Variants in GALNT11 observed in about 807,000 individuals in gnomAD.
The protein encoded by GALNT11 is polypeptide N-acetylgalactosaminyltransferase 11.
Under a neutral mutation model 72.7 loss-of-function variants are expected in GALNT11, and 47 were observed. The observed-to-expected ratio is 0.65, with a 90% CI of 0.51 to 0.82. The LOEUF (loss-of-function observed/expected upper bound fraction) is 0.82. Ranked by LOEUF, GALNT11 falls within the 40% of genes least tolerant of loss-of-function variation. GALNT11 has a pLI of 0.00. For missense variants in GALNT11, 677 were observed against 778.4 expected (o/e 0.87, Z 1.55); for synonymous variants, 270 against 286.6 (o/e 0.94, Z 0.58).
At position 152,025,676 on chromosome 7, in the gene GALNT11, G is replaced by C. The variant is rs560990562; in HGVS notation, c.-247G>C. The C allele has an allele frequency of 3.3e-5, 5 of 150,622 alleles. No individual in the cohort carries two copies. The highest frequency in any genetic ancestry group is 7.4e-5 in the Non-Finnish European group (5 of 67,602). The allele number at this position is 150,622 out of a possible 1,614,324, so 9.3% of individuals were successfully genotyped here. On this transcript the variant is annotated 5_prime_UTR_variant, in exon 1 of 12. Transcript: ENST00000430044. ...CGCCGGCGGACGCGCGGCGCTGGGC[G>C]GAGGCAGCGGCTCGGGGACTGGGCG...
At chr7:152,121,451 C>A (rs1428958506) in intron 11 of GALNT11, 95 bp from the exon 12 acceptor site, 18 of 1,456,540 alleles carry the variant, frequency 1.2e-5, no homozygotes, top group Non-Finnish European at 1.7e-5. Flanking sequence ...CTATTGTATC[C>A]CTTAATCTGA....
Position 152,043,391 on chromosome 7 carries a change from C to T in GALNT11, c.-39+17507C>T, listed in dbSNP as rs529551332. Among the ~76,000 whole-genome samples, 18 of 152,286 alleles carry T rather than the reference C, an allele frequency of 1.2e-4. No homozygotes were observed. In the South Asian group the frequency reaches 1.2e-3, roughly 11 times the overall value. On this transcript the variant is annotated intron_variant, in intron 1 of 11. Coordinates refer to ENST00000430044, the MANE Select transcript of GALNT11 (RefSeq NM_022087.4). Reference sequence around the variant, plus strand: ...TCTACTGCAGCACTACCGGCTGTGGCGGGGGACAGACATTGTACAGGGGTG... The same window carrying T: ...TCTACTGCAGCACTACCGGCTGTGGTGGGGGACAGACATTGTACAGGGGTG...
At chr7:152,093,042 A>G (rs936305321) in intron 1 of GALNT11, among the ~76,000 whole-genome samples, 3 of 152,182 alleles carry the variant, frequency 2.0e-5, no homozygotes, top group Non-Finnish European at 4.4e-5. Flanking sequence ...CAGCCTGGCC[A>G]ACATGGTGAA....
chr7:152,053,494 C>G (rs2083495281), intron 1 of GALNT11, among the ~76,000 whole-genome samples: 1 of 152,232 alleles, frequency 6.6e-6, no homozygotes, highest in African/African-American at 2.4e-5. Context: ...TCAAGTGTTT[C>G]AGACAAAATT....
At chr7:152,091,150 A>C (rs1463990412) in intron 1 of GALNT11, among the ~76,000 whole-genome samples, 1 of 148,382 alleles carries the variant, frequency 6.7e-6, no homozygotes, top group Admixed American at 6.7e-5. Context: ...GGGTTCAAGC[A>C]ATTTCTCCTG....
intron 1 of GALNT11, among the ~76,000 whole-genome samples, chr7:152,070,145 C>T (rs914807436): frequency 2.0e-4 from 31 of 151,920 alleles, no homozygotes; most frequent in African/African-American, 6.3e-4. Flanking sequence ...TATAGGTGCC[C>T]GCCACCACGC....
chr7:152,099,530 GTT>G lies in GALNT11; in HGVS notation c.296-1240_296-1239del, dbSNP rs1009548038. The stretch of plus-strand genomic sequence containing the variant: ...GGGAATGCACCACCACTCCCGCCTA[GTT>G]TTTTTTTTTTTTTTTTTTTTTTTTT... On this transcript the variant is annotated intron_variant, in intron 2 of 11. Transcript: ENST00000430044. Among the ~76,000 whole-genome samples, 348 of 57,658 alleles carry G rather than the reference GTT, an allele frequency of 6.0e-3. 2 individuals are homozygous for G. Among genetic ancestry groups the G allele is most frequent in the African/African-American group, 0.025 (336 of 13,312 alleles). The allele number at this position is 57,658 out of a possible 152,430, so 37.8% of individuals were successfully genotyped here. A position where few individuals can be genotyped will look rare whatever the true frequency, so the allele number is the denominator to read the frequency against.
intron 1 of GALNT11, among the ~76,000 whole-genome samples, chr7:152,078,833 G>A (rs968338762): frequency 6.6e-6 from 1 of 152,154 alleles, no homozygotes; most frequent in East Asian, 1.9e-4. Context: ...TGTTTTGATT[G>A]AAGACTGAGA....
At chr7:152,042,273 G>A (rs771553852) in intron 1 of GALNT11, among the ~76,000 whole-genome samples, 3 of 152,190 alleles carry the variant, frequency 2.0e-5, no homozygotes, top group African/African-American at 7.2e-5. Flanking sequence ...TGGAATCATA[G>A]CAGGAGAAGG....
chr7:152,089,074 A>G (rs2129031760), intron 1 of GALNT11, among the ~76,000 whole-genome samples: 1 of 152,300 alleles, frequency 6.6e-6, no homozygotes, highest in Admixed American at 6.5e-5. Context: ...AACTGGGCTT[A>G]TCACTCAAAT....
chr7:152,035,762 C>T (rs781694892), intron 1 of GALNT11, among the ~76,000 whole-genome samples: 8 of 152,108 alleles, frequency 5.3e-5, no homozygotes, highest in African/African-American at 1.7e-4. Flanking sequence ...ATTTAGCCAC[C>T]GAATTCTAAG....
intron 10 of GALNT11, 68 bp from the exon 11 acceptor site, chr7:152,120,763 A>T: frequency 7.5e-7 from 1 of 1,327,944 alleles, no homozygotes; most frequent in Non-Finnish European, 1.1e-6. Context: ...AATATGTGGA[A>T]GAATATGCAA....
chr7:152,087,384 C>T (rs1271625874), intron 1 of GALNT11, among the ~76,000 whole-genome samples: 1 of 152,142 alleles, frequency 6.6e-6, no homozygotes. Flanking sequence ...AAGTGAAGAG[C>T]CAGTGCATAG....
chr7:152,088,767 C>T (rs1386364120), intron 1 of GALNT11, among the ~76,000 whole-genome samples: 1 of 152,144 alleles, frequency 6.6e-6, no homozygotes, highest in Admixed American at 6.5e-5. Context: ...AAAGGTACTA[C>T]AGGGCATCCA....
At chr7:152,071,941 G>A (rs991939984) in intron 1 of GALNT11, among the ~76,000 whole-genome samples, 4 of 151,290 alleles carry the variant, frequency 2.6e-5, no homozygotes, top group Admixed American at 1.3e-4. Flanking sequence ...CTTGGGAGGC[G>A]GAGGTTGCAG....
intron 1 of GALNT11, among the ~76,000 whole-genome samples, chr7:152,067,518 C>T (rs1438796938): frequency 1.8e-4 from 28 of 152,156 alleles, no homozygotes; most frequent in Admixed American, 1.8e-3. Context: ...ATGATTGTCA[C>T]AGCTACGGCT....
At chr7:152,042,885 T>C (rs534012941) in intron 1 of GALNT11, among the ~76,000 whole-genome samples, 5 of 152,278 alleles carry the variant, frequency 3.3e-5, no homozygotes, top group Non-Finnish European at 5.9e-5. Flanking sequence ...CTATGTTAAA[T>C]TGAGTGGGTG....
At chr7:152,077,281 A>C (rs1334459852) in intron 1 of GALNT11, among the ~76,000 whole-genome samples, 2 of 152,226 alleles carry the variant, frequency 1.3e-5, no homozygotes, top group Non-Finnish European at 2.9e-5. Flanking sequence ...AATTTACAAC[A>C]TAGTAAAGAA....
intron 1 of GALNT11, among the ~76,000 whole-genome samples, chr7:152,086,027 A>G (rs1261070885): frequency 6.6e-6 from 1 of 152,178 alleles, no homozygotes; most frequent in East Asian, 1.9e-4. Context: ...AGCTGGGATT[A>G]GAGGCACGTG....
Sources: allele counts gnomAD v4.1 joint callset (sites outside exome capture counted in the v4.1 genomes callset), GRCh38; gene constraint gnomAD v4.1.1; transcripts MANE v1.5; gene names NCBI Gene and HGNC (gene_info 2026-07-23, HGNC 2026-07-21).